GPN3: variants seen among roughly 807,000 people sequenced by gnomAD.
GPN3 encodes the protein GPN-loop GTPase 3, also known as ATP-binding domain 1 family member C.
GPN3 carries 31 observed loss-of-function variants against 38.7 expected under a neutral mutation model. The ratio of observed to expected loss-of-function variants is 0.80; its 90% CI spans 0.60 to 1.08. The LOEUF (loss-of-function observed/expected upper bound fraction) is 1.08. GPN3 is among the 50% of genes least tolerant of loss of function. The pLI is 0.00. For synonymous variants in GPN3, 116 were observed against 120.2 expected, an observed-to-expected ratio of 0.96 and a Z score of 0.23; for missense variants, 301 against 354.4, an observed-to-expected ratio of 0.85 and a Z score of 1.21.
chr12:110,455,775 C>T, intron 5 of GPN3, 40 bp downstream of exon 5: 1 of 1,144,752 alleles, frequency 8.7e-7, no homozygotes, highest in Non-Finnish European at 1.3e-6. Context: ...TTCATCTCTG[C>T]AACTGAGATC....
At chr12:110,455,972 C>G in intron 4 of GPN3, 42 bp from the exon 5 acceptor site, 2 of 975,324 alleles carry the variant, frequency 2.1e-6, no homozygotes, top group Non-Finnish European at 3.3e-6. Context: ...CTGACTGTTG[C>G]CAACAGTTAC....
Position 110,468,055 on chromosome 12 carries a change from G to A in GPN3, c.48+101C>T. The stretch of plus-strand genomic sequence containing the variant: ...CAGAAATGAGTTGCGTGGGGTCTCA[G>A]GGTTCCCAGTACACACACCCGCCGG... On this transcript the variant is annotated intron_variant, in intron 1 of 7. Transcript: ENST00000228827. 1.9e-6 allele frequency: 3 copies of A among 1,538,904 alleles called. No individual in the cohort carries two copies. The South Asian group carries it at 3.3e-5, about 17-fold the overall frequency.
intron 3 of GPN3, 100 bp downstream of exon 3, chr12:110,459,595 A>G: frequency 2.4e-6 from 2 of 816,596 alleles, no homozygotes; most frequent in Non-Finnish European, 4.1e-6. Context: ...ACTTTACTGC[A>G]GTATAGTTTA....
intron 2 of GPN3, among the ~76,000 whole-genome samples, chr12:110,460,198 T>C (rs2062577171): frequency 6.6e-6 from 1 of 152,142 alleles, no homozygotes; most frequent in African/African-American, 2.4e-5. Flanking sequence ...AAGACAAAAA[T>C]TCACTACATA....
intron 6 of GPN3, 58 bp from the exon 7 acceptor site, chr12:110,453,929 T>G: frequency 1.5e-6 from 2 of 1,376,182 alleles, no homozygotes; most frequent in Non-Finnish European, 2.0e-6. Context: ...ATACATAATT[T>G]TCAACTTATA....
chr12:110,459,873 C>G lies in GPN3; in HGVS notation c.158-11G>C. 1 of 1,610,386 alleles carries G rather than the reference C, an allele frequency of 6.2e-7. No homozygotes were observed. The highest frequency in any genetic ancestry group is 1.3e-5 in the African/African-American group (1 of 74,972). ...TCAGTTCCCGGATGTCTGAAAAGGACAGATAGGGCCCAGAATATATGTGTC... is the reference window on the plus strand; with the variant it reads ...TCAGTTCCCGGATGTCTGAAAAGGAGAGATAGGGCCCAGAATATATGTGTC... On this transcript the variant is annotated splice_polypyrimidine_tract_variant and intron_variant, in intron 2 of 7. Transcript: ENST00000228827.
chr12:110,465,333 GACA>G (rs2062620069), intron 1 of GPN3, 119 bp from the exon 2 acceptor site: 2 of 688,600 alleles, frequency 2.9e-6, no homozygotes, highest in African/African-American at 1.8e-5. Context: ...GAGGCTGACT[GACA>G]ACAAGGGAAA....
At position 110,461,218 on chromosome 12, in the gene GPN3, A is replaced by G; in HGVS notation, c.158-1356T>C. ...ACAAAGCTGTCTGGGCCAAAGGAAT[A>G]AGGAATGTCCCATACTGAATCCGTG... On this transcript the variant is annotated intron_variant, in intron 2 of 7. Coordinates refer to ENST00000228827, the MANE Select transcript of GPN3 (RefSeq NM_016301.4). The G allele has an allele frequency of 5.5e-6, 7 of 1,279,300 alleles. No individual in the cohort carries two copies. The South Asian group carries it at 8.3e-5, about 15-fold the overall frequency. The allele number at this position is 1,279,300 out of a possible 1,614,324, so 79.2% of individuals were successfully genotyped here. A position where few individuals can be genotyped will look rare whatever the true frequency, so the allele number is the denominator to read the frequency against.
chr12:110,454,722 A>G (rs935929883), intron 6 of GPN3, among the ~76,000 whole-genome samples: 5 of 151,344 alleles, frequency 3.3e-5, no homozygotes, highest in Non-Finnish European at 7.4e-5. Flanking sequence ...CAGTGACATG[A>G]TCTGATCATG....
intron 1 of GPN3, among the ~76,000 whole-genome samples, chr12:110,467,768 C>T (rs999703458): frequency 3.3e-5 from 5 of 152,186 alleles, no homozygotes; most frequent in Non-Finnish European, 5.9e-5. Flanking sequence ...CCCACTTTAC[C>T]CTCCTGGGAG....
chr12:110,457,509 C>G lies in GPN3; in HGVS notation c.450+1G>C, dbSNP rs1260962871. ...AATCTGTAAGAGATTTAGCTTCAGA[C>G]CTTGAATGACTCCACCATGAACTGA... On this transcript the variant is annotated splice_donor_variant, in intron 4 of 7. Transcript: ENST00000228827. LOFTEE classifies it high-confidence loss of function. The G allele has an allele frequency of 1.3e-6, 2 of 1,506,630 alleles. No homozygotes were observed. Among genetic ancestry groups the G allele is most frequent in the Admixed American group, 3.9e-5 (2 of 51,136 alleles). The allele number at this position is 1,506,630 out of a possible 1,614,324, so 93.3% of individuals were successfully genotyped here.
intron 2 of GPN3, among the ~76,000 whole-genome samples, chr12:110,464,323 G>A (rs939381347): frequency 2.6e-5 from 4 of 152,108 alleles, no homozygotes; most frequent in African/African-American, 9.7e-5. Flanking sequence ...ATCACATTCT[G>A]TAACATGTTC....
chr12:110,463,284 C>T (rs568052492), intron 2 of GPN3, among the ~76,000 whole-genome samples: 58 of 148,768 alleles, frequency 3.9e-4, no homozygotes, highest in African/African-American at 1.1e-3. Context: ...GGAGAAACCC[C>T]GCCTCTACAA....
In GPN3 at chr12:110,459,785, A is replaced by G; in HGVS notation, c.235T>C (p.Phe79Leu). The G allele has an allele frequency of 6.2e-7, 1 of 1,613,362 alleles. No individual in the cohort carries two copies. The highest frequency in any genetic ancestry group is 8.5e-7 in the Non-Finnish European group (1 of 1,179,242). Residue 79 changes from phenylalanine (F) to leucine (L), a missense_variant, in exon 3 of 8, where the codon TTT (phenylalanine) becomes CTT (leucine). Physicochemically the swap from Phe to Leu is conservative, Grantham distance 22 (BLOSUM62 0). Transcript: ENST00000228827. ...LRFGPNGGLV[F>L]CMEYFANNFD... ...TTATTGGCAAAGTACTCCATGCAAAATACCAATCCTCCGTTGGGACCGAAT... is the reference window on the plus strand; with the variant it reads ...TTATTGGCAAAGTACTCCATGCAAAGTACCAATCCTCCGTTGGGACCGAAT...
chr12:110,463,681 C>T (rs2062608001), intron 2 of GPN3, among the ~76,000 whole-genome samples: 2 of 148,642 alleles, frequency 1.3e-5, no homozygotes, highest in African/African-American at 5.0e-5. Flanking sequence ...CATCTGTAGT[C>T]CCAGCTACTT....
chr12:110,455,858 T>C lies in GPN3; in HGVS notation c.523A>G (p.Lys175Glu), dbSNP rs1406562018. 1 of 1,609,732 alleles carries C rather than the reference T, an allele frequency of 6.2e-7. No homozygotes were observed. Residue 175 changes from lysine (K) to glutamate (E), a missense_variant, in exon 5 of 8, where the codon AAA (lysine) becomes GAA (glutamate). Lys to Glu is a moderately conservative substitution (Grantham distance 56). Coordinates refer to ENST00000228827, the MANE Select transcript of GPN3 (RefSeq NM_016301.4). The stretch of plus-strand genomic sequence containing the variant: ...GCTTTTTTACTCAGCAGATCCATTT[T>C]TGTCATGATGTTGACTTGCGGAATT... ...LEIPQVNIMT[K>E]MDLLSKKAKK... is the part of the protein sequence containing the mutation.
At chr12:110,461,855 C>CT (rs2062592120) in intron 2 of GPN3, among the ~76,000 whole-genome samples, 1 of 152,066 alleles carries the variant, frequency 6.6e-6, no homozygotes, top group South Asian at 2.1e-4. Context: ...GGCTTTCTTT[C>CT]TTTTTAGACA....
intron 2 of GPN3, among the ~76,000 whole-genome samples, chr12:110,461,925 T>C (rs2062592597): frequency 6.6e-6 from 1 of 152,184 alleles, no homozygotes; most frequent in Non-Finnish European, 1.5e-5. Flanking sequence ...CACTGCAACC[T>C]TGACCTCGTA....
intron 3 of GPN3, among the ~76,000 whole-genome samples, chr12:110,457,991 G>A (rs146038863): frequency 3.3e-4 from 50 of 152,090 alleles, no homozygotes; most frequent in African/African-American, 1.0e-3. Context: ...TTAGCCAGGC[G>A]TGGTGGTGCG....
Sources: gnomAD v4.1 joint callset for allele counts (sites outside exome capture counted in the v4.1 genomes callset) on GRCh38, gnomAD v4.1.1 for gene constraint, MANE v1.5 for transcripts, NCBI Gene and HGNC (gene_info 2026-07-23, HGNC 2026-07-21) for gene names.